Variants in FASTKD3 observed in about 807,000 individuals in gnomAD.
FASTKD3 encodes the protein FAST kinase domains 3.
FASTKD3 carries 47 observed loss-of-function variants against 49.7 expected under a neutral mutation model. That is an observed-to-expected ratio of 0.95 (90% CI 0.75 to 1.21). The LOEUF (loss-of-function observed/expected upper bound fraction) is 1.21, where lower values mean the gene tolerates loss of function less well. Ranked by LOEUF, FASTKD3 falls within the 50% of genes most tolerant of loss-of-function variation. FASTKD3 has a pLI of 0.00. For synonymous variants in FASTKD3, 284 were observed against 288.6 expected (o/e 0.98, Z 0.16); for missense variants, 748 against 765.7 (o/e 0.98, Z 0.27).
Position 7,867,478 on chromosome 5 carries a change from T to C in FASTKD3, c.606A>G (p.Ala202=), listed in dbSNP as rs781232084. 1 of 1,614,240 alleles carries C rather than the reference T, an allele frequency of 6.2e-7. No homozygotes were observed. The highest frequency in any genetic ancestry group is 1.7e-5 in the Admixed American group (1 of 60,032). ...PQSSLLLNLV[A]ECQNRLRKGG... ...CTTTTCTGAGACGATTTTGGCATTC[T>C]GCCACCAGGTTCAGCAACAGGCTAC... is the stretch of plus-strand genomic sequence containing the variant. Residue 202 remains alanine, a synonymous_variant, in exon 2 of 7, where the codon GCA becomes GCG. Coordinates refer to ENST00000264669, the MANE Select transcript of FASTKD3 (RefSeq NM_024091.4).
chr5:7,864,267 A>T (rs1457952212), intron 3 of FASTKD3, among the ~76,000 whole-genome samples: 1 of 152,136 alleles, frequency 6.6e-6, no homozygotes, highest in East Asian at 1.9e-4. Flanking sequence ...AAACAACATG[A>T]ACATAATAAG....
Position 7,861,170 on chromosome 5 carries a change from T to TA in FASTKD3, c.1862dup (p.Leu621PhefsTer13). 1.2e-6 allele frequency: 2 copies of TA among 1,607,616 alleles called. No individual in the cohort carries two copies. Among genetic ancestry groups the TA allele is most frequent in the Non-Finnish European group, 1.7e-6 (2 of 1,175,796 alleles). ...GTACCTGAACAACTTGATAACCGAGTAACTGTAGGTGTCTTTGTTTAATAG... is the reference window on the plus strand; with the variant it reads ...GTACCTGAACAACTTGATAACCGAGTAAACTGTAGGTGTCTTTGTTTAATAG... On this transcript the variant is annotated frameshift_variant, in exon 6 of 7. Transcript: ENST00000264669. LOFTEE classifies it low-confidence loss of function (END_TRUNC).
chr5:7,866,309 C>T lies in FASTKD3; in HGVS notation c.1439-326G>A, dbSNP rs1746941464. On this transcript the variant is annotated intron_variant, in intron 2 of 6. Coordinates refer to ENST00000264669, the MANE Select transcript of FASTKD3 (RefSeq NM_024091.4). ...TTGAATTAAGATGAATAATACCATC[C>T]TCTCAAAAAAAAAAAAAAAGATACA... is the stretch of plus-strand genomic sequence containing the variant. Among the ~76,000 whole-genome samples, 3 of 96,422 alleles carry T rather than the reference C, an allele frequency of 3.1e-5. No homozygotes were observed. In the South Asian group the frequency reaches 1.1e-3, roughly 35 times the overall value. The allele number at this position is 96,422 out of a possible 152,430, so 63.3% of individuals were successfully genotyped here.
In FASTKD3 at chr5:7,866,670, GC is replaced by G. The variant is rs1561105603; in HGVS notation, c.1413del (p.Lys471AsnfsTer18). 6.3e-7 allele frequency: 1 copy of G among 1,595,980 alleles called. No homozygotes were observed. Among genetic ancestry groups the G allele is most frequent in the Admixed American group, 1.8e-5 (1 of 56,484 alleles). Reference protein sequence around the residue: ...HPVNFLAKIFKPLFLQRLQGK... With the variant: ...HPVNFLAKIFXPLFLQRLQGK... ...CCTTGCAGCCGTTGAAGGAAAAGAG[GC>G]TTGAATATTTTTGCCAGAAAGTTGA... On this transcript the variant is annotated frameshift_variant, in exon 2 of 7. Transcript: ENST00000264669. LOFTEE classifies it high-confidence loss of function.
At chr5:7,866,006 C>G in intron 2 of FASTKD3, 23 bp from the exon 3 acceptor site, 2 of 1,581,306 alleles carry the variant, frequency 1.3e-6, no homozygotes, top group Non-Finnish European at 1.7e-6. Flanking sequence ...GCATCCCAGT[C>G]ATAGTTACGT....
At position 7,867,050 on chromosome 5, in the gene FASTKD3, C is replaced by G. The variant is rs1747010181; in HGVS notation, c.1034G>C (p.Gly345Ala). The change falls in exon 2 of 7, where the codon GGG (glycine) becomes GCG (alanine). Residue 345 changes from glycine to alanine, a missense_variant. Transcript: ENST00000264669. ...RRVLEAFIYFGHHDTFFTKAL... is the reference protein window; with the variant it reads ...RRVLEAFIYFAHHDTFFTKAL... ...TTTTGTAAAAAATGTGTCATGGTGC[C>G]CAAAATATATGAACGCCTCCAAGAC... 1 of 1,613,950 alleles carries G rather than the reference C, an allele frequency of 6.2e-7. No homozygotes were observed. The highest frequency in any genetic ancestry group is 1.1e-5 in the South Asian group (1 of 91,062).
At chr5:7,860,812 A>C (rs905861449) in intron 6 of FASTKD3, among the ~76,000 whole-genome samples, 1 of 152,228 alleles carries the variant, frequency 6.6e-6, no homozygotes. Context: ...TCTACTACAG[A>C]AAAACAGAAC....
In FASTKD3 at chr5:7,866,748, TG is replaced by T. The variant is rs1411903980; in HGVS notation, c.1335del (p.Lys446AsnfsTer4). On this transcript the variant is annotated frameshift_variant, in exon 2 of 7. Coordinates refer to ENST00000264669, the MANE Select transcript of FASTKD3 (RefSeq NM_024091.4). LOFTEE classifies it high-confidence loss of function. ...GAATGAAGAAGTTTCAATAATGATT[TG>T]GGTGGAAAATAATTGAAATGAGTGA... ...VLFTHFNYFP[P>X]KSLLKLLHSC... 1.9e-5 allele frequency: 30 copies of T among 1,613,990 alleles called. No individual in the cohort carries two copies. Among genetic ancestry groups the T allele is most frequent in the Non-Finnish European group, 2.3e-5 (27 of 1,179,994 alleles).
rs1746548162 is a variant in FASTKD3, at chr5:7,861,655, G to T, written c.1700-3C>A. On this transcript the variant is annotated splice_region_variant and splice_polypyrimidine_tract_variant and intron_variant, in intron 4 of 6. Transcript: ENST00000264669. ...TTCATCTAATTTAATTTCAACATCT[G>T]GTGAGAGAAGAAAGGAAAAATTCCT... 6.2e-7 allele frequency: 1 copy of T among 1,606,904 alleles called. No homozygotes were observed. The highest frequency in any genetic ancestry group is 8.5e-7 in the Non-Finnish European group (1 of 1,176,184).
At chr5:7,862,638 A>T (rs1746633418) in intron 4 of FASTKD3, among the ~76,000 whole-genome samples, 185 bp downstream of exon 4, 1 of 152,122 alleles carries the variant, frequency 6.6e-6, no homozygotes, top group South Asian at 2.1e-4. Flanking sequence ...CGTGGCTAAT[A>T]TTTGAGACTT....
intron 3 of FASTKD3, among the ~76,000 whole-genome samples, chr5:7,863,734 G>C (rs772623108): frequency 2.0e-5 from 3 of 152,194 alleles, no homozygotes; most frequent in African/African-American, 7.2e-5. Flanking sequence ...TTAAACTTCT[G>C]TCATCCATGA....
intron 4 of FASTKD3, among the ~76,000 whole-genome samples, chr5:7,862,477 G>A (rs546969106): frequency 6.6e-6 from 1 of 152,272 alleles, no homozygotes; most frequent in Admixed American, 6.5e-5. Flanking sequence ...GGTTATAGTA[G>A]TAGCTAACAA....
In FASTKD3 at chr5:7,866,641, C is replaced by T. The variant is rs868042863; in HGVS notation, c.1438+5G>A. Reference sequence around the variant, plus strand: ...TCCAACTGTCAGAATTTATAACCAACTCACCTTGCAGCCGTTGAAGGAAAA... The same window carrying T: ...TCCAACTGTCAGAATTTATAACCAATTCACCTTGCAGCCGTTGAAGGAAAA... On this transcript the variant is annotated splice_donor_5th_base_variant and intron_variant, in intron 2 of 6. Coordinates refer to ENST00000264669, the MANE Select transcript of FASTKD3 (RefSeq NM_024091.4). The T allele has an allele frequency of 4.5e-6, 7 of 1,563,242 alleles. No homozygotes were observed. In the African/African-American group the frequency reaches 9.6e-5, roughly 22 times the overall value.
intron 5 of FASTKD3, 93 bp downstream of exon 5, chr5:7,861,488 CAT>C: frequency 2.3e-6 from 2 of 881,812 alleles, no homozygotes; most frequent in Non-Finnish European, 3.2e-6. Flanking sequence ...TTTCCAGAAT[CAT>C]ATCTATTTTT....
At chr5:7,859,937 T>C (rs892092207) in intron 6 of FASTKD3, among the ~76,000 whole-genome samples, 1 of 151,806 alleles carries the variant, frequency 6.6e-6, no homozygotes, top group African/African-American at 2.4e-5. Context: ...TGCTGGAAGG[T>C]AGGTATTCAG....
At chr5:7,865,468 T>C (rs927994601) in intron 3 of FASTKD3, among the ~76,000 whole-genome samples, 16 of 152,134 alleles carry the variant, frequency 1.1e-4, no homozygotes, top group Admixed American at 9.8e-4. Context: ...CTAGATAAAC[T>C]AAACTCTATT....
intron 5 of FASTKD3, 130 bp downstream of exon 5, chr5:7,861,453 G>C: frequency 1.5e-6 from 1 of 654,846 alleles, no homozygotes; most frequent in South Asian, 3.9e-5. Flanking sequence ...TTCCCAACAT[G>C]GTATTCTGAA....
At position 7,866,754 on chromosome 5, in the gene FASTKD3, G is replaced by T. The variant is rs1161516741; in HGVS notation, c.1330C>A (p.Pro444Thr). ...NVLFTHFNYF[P>T]PKSLLKLLHS... ...AGAAGTTTCAATAATGATTTGGGTG[G>T]AAAATAATTGAAATGAGTGAATAGC... is the stretch of plus-strand genomic sequence containing the variant. The change falls in exon 2 of 7, where the codon CCA (proline) becomes ACA (threonine). Residue 444 changes from proline (P) to threonine (T), a missense_variant. This residue lies in a region of FASTKD3 where 564 missense variants were observed against 562.8 expected (regional missense o/e 1.00). Transcript: ENST00000264669. 1.2e-6 allele frequency: 2 copies of T among 1,614,028 alleles called. No individual in the cohort carries two copies. Among genetic ancestry groups the T allele is most frequent in the Non-Finnish European group, 1.7e-6 (2 of 1,179,922 alleles).
chr5:7,862,887 A>G lies in FASTKD3; in HGVS notation c.1635T>C (p.Thr545=). The stretch of plus-strand genomic sequence containing the variant: ...AATATAATCTTGCTCCTAAAAGGTT[A>G]GTCAGCCCAATCTTCACATATCTAT... The part of the protein sequence containing the change: ...QLYRYVKIGL[T]NLLGARLYFA... Residue 545 remains threonine, a synonymous_variant, in exon 4 of 7, where the codon ACT becomes ACC. Transcript: ENST00000264669. 2 of 1,614,106 alleles carry G rather than the reference A, an allele frequency of 1.2e-6. No homozygotes were observed. Among genetic ancestry groups the G allele is most frequent in the South Asian group, 2.2e-5 (2 of 91,086 alleles).
Sources: allele counts gnomAD v4.1 joint callset (sites outside exome capture counted in the v4.1 genomes callset), GRCh38; gene constraint gnomAD v4.1.1; regional missense constraint gnomAD v4.1.1; transcripts MANE v1.5; gene names NCBI Gene and HGNC (gene_info 2026-07-23, HGNC 2026-07-21).